Variants in VOPP1 observed in about 807,000 individuals in gnomAD.
VOPP1 encodes the protein VOPP1 WW domain binding protein.
In VOPP1, 8 loss-of-function variants were observed where a neutral mutation model predicts 23.5. That is an observed-to-expected ratio of 0.34 (90% confidence interval 0.20 to 0.61). The LOEUF (loss-of-function observed/expected upper bound fraction) is 0.61. Among genes scored for constraint, VOPP1 ranks in the 20% least tolerant of loss-of-function variants. The pLI, the probability that VOPP1 is intolerant of heterozygous loss-of-function variation, is 0.78. For missense variants in VOPP1, 174 were observed against 238.1 expected, an observed-to-expected ratio of 0.73 and a Z score of 1.77; for synonymous variants, 83 against 97.3, an observed-to-expected ratio of 0.85 and a Z score of 0.86.
chr7:55,498,435 G>GGTCCTTGC (rs1554403684), intron 2 of VOPP1, among the ~76,000 whole-genome samples: 1 of 152,044 alleles, frequency 6.6e-6, no homozygotes, highest in Non-Finnish European at 1.5e-5. Context: ...CCTGAGCATG[G>GGTCCTTGC]GCAGGTGAGG....
chr7:55,561,435 G>A (rs528243407), intron 1 of VOPP1, among the ~76,000 whole-genome samples: 4 of 152,222 alleles, frequency 2.6e-5, no homozygotes, highest in African/African-American at 9.6e-5. Flanking sequence ...ACCAGGCCGG[G>A]CACGGTGACT....
chr7:55,498,349 A>G (rs1794121899), intron 2 of VOPP1, among the ~76,000 whole-genome samples: 1 of 151,902 alleles, frequency 6.6e-6, no homozygotes, highest in Non-Finnish European at 1.5e-5. Context: ...TCATCCCCCA[A>G]CGTGTCTGAG....
intron 1 of VOPP1, among the ~76,000 whole-genome samples, chr7:55,569,641 A>G (rs1798283124): frequency 6.6e-6 from 1 of 152,222 alleles, no homozygotes. Context: ...ATAACGTGTA[A>G]CATTTATAGA....
chr7:55,558,310 A>AG (rs1797876926), intron 1 of VOPP1, among the ~76,000 whole-genome samples: 1 of 152,192 alleles, frequency 6.6e-6, no homozygotes, highest in African/African-American at 2.4e-5. Flanking sequence ...GCTTATCTCC[A>AG]AACTCATCAA....
chr7:55,571,425 C>T (rs1004431829), intron 1 of VOPP1, among the ~76,000 whole-genome samples: 5 of 152,204 alleles, frequency 3.3e-5, no homozygotes, highest in African/African-American at 4.8e-5. Flanking sequence ...ATTAATTTAA[C>T]GCAAATTTCC....
At chr7:55,506,772 G>T (rs1794755929) in intron 2 of VOPP1, among the ~76,000 whole-genome samples, 1 of 152,062 alleles carries the variant, frequency 6.6e-6, no homozygotes, top group South Asian at 2.1e-4. Flanking sequence ...CCAAGTAGCT[G>T]GGATTACAGG....
chr7:55,556,365 C>A (rs1251669575), intron 1 of VOPP1, among the ~76,000 whole-genome samples: 1 of 152,226 alleles, frequency 6.6e-6, no homozygotes, highest in Non-Finnish European at 1.5e-5. Context: ...TGTTCATCCA[C>A]TTCTGGATTC....
downstream of VOPP1, among the ~76,000 whole-genome samples, chr7:55,470,369 A>T (rs1252518802): frequency 6.6e-6 from 1 of 152,206 alleles, no homozygotes; most frequent in African/African-American, 2.4e-5. Context: ...CTCAAGGTTA[A>T]CTTACAGTAT....
chr7:55,444,692 T>C (rs1172349685), intron 4 of VOPP1, among the ~76,000 whole-genome samples: 1 of 149,648 alleles, frequency 6.7e-6, no homozygotes. Flanking sequence ...TGGGGCACAA[T>C]GCCTGCCAGC....
At chr7:55,505,967 C>T (rs754977982) in intron 2 of VOPP1, among the ~76,000 whole-genome samples, 7 of 152,212 alleles carry the variant, frequency 4.6e-5, no homozygotes, top group African/African-American at 7.2e-5. Flanking sequence ...CCCCGTCTCA[C>T]GGTCCCATAA....
intron 1 of VOPP1, among the ~76,000 whole-genome samples, chr7:55,561,198 A>C (rs1012398340): frequency 6.6e-6 from 1 of 152,006 alleles, no homozygotes; most frequent in Non-Finnish European, 1.5e-5. Context: ...CTTCAACGCA[A>C]AGTTCCTGAC....
intron 4 of VOPP1, among the ~76,000 whole-genome samples, chr7:55,457,872 A>G (rs912014983): frequency 2.6e-5 from 4 of 152,078 alleles, no homozygotes; most frequent in Admixed American, 2.0e-4. Flanking sequence ...TAGTTTGCAC[A>G]TATTTTCCTG....
intron 4 of VOPP1, among the ~76,000 whole-genome samples, chr7:55,458,242 G>C (rs1791415868): frequency 1.3e-5 from 2 of 152,192 alleles, no homozygotes; most frequent in Middle Eastern, 3.4e-3. Context: ...GTAAATATAT[G>C]TATTTATTTC....
chr7:55,556,746 C>G (rs1004741861), intron 1 of VOPP1, among the ~76,000 whole-genome samples: 1 of 151,630 alleles, frequency 6.6e-6, no homozygotes, highest in Non-Finnish European at 1.5e-5. Context: ...TCTTCTTTTT[C>G]TTGCTCTGTA....
At chr7:55,552,697 A>T in intron 1 of VOPP1, 1 of 1,535,990 alleles carries the variant, frequency 6.5e-7, no homozygotes, top group Non-Finnish European at 8.7e-7. Context: ...CAGGTCCTGG[A>T]GCCCCAGCCC....
At chr7:55,531,714 C>G (rs117167571) in intron 1 of VOPP1, among the ~76,000 whole-genome samples, 1,669 of 152,294 alleles carry the variant, frequency 0.011, 11 homozygotes, top group Middle Eastern at 0.02. Flanking sequence ...AAAAAGTCAA[C>G]AGATCAGCTC....
chr7:55,475,800 T>C (rs1160884200), intron 4 of VOPP1, among the ~76,000 whole-genome samples: 4 of 152,220 alleles, frequency 2.6e-5, no homozygotes, highest in Non-Finnish European at 4.4e-5. Context: ...AGTAAAACCA[T>C]GGCTGCCCCT....
At chr7:55,462,944 C>T (rs1000256575) in intron 4 of VOPP1, among the ~76,000 whole-genome samples, 1 of 152,140 alleles carries the variant, frequency 6.6e-6, no homozygotes, top group African/African-American at 2.4e-5. Context: ...TTCATTGAAC[C>T]CTTCAGTCCC....
At chr7:55,516,283 G>T (rs904426671) in intron 2 of VOPP1, among the ~76,000 whole-genome samples, 6 of 152,218 alleles carry the variant, frequency 3.9e-5, no homozygotes, top group Non-Finnish European at 8.8e-5. Flanking sequence ...TTTCTGTTCA[G>T]ATCCCAAAGG....
Sources: gnomAD v4.1 joint callset for allele counts (sites outside exome capture counted in the v4.1 genomes callset) on GRCh38, gnomAD v4.1.1 for gene constraint, MANE v1.5 for transcripts, NCBI Gene and HGNC (gene_info 2026-07-23, HGNC 2026-07-21) for gene names.